The following CNTN1 variants were observed in gnomAD, a reference collection of about 807,000 sequenced individuals.
CNTN1 encodes the protein contactin 1.
In CNTN1, 38 loss-of-function variants were observed where a neutral mutation model predicts 126.4. That is an observed-to-expected ratio of 0.30 (90% confidence interval 0.23 to 0.39). The LOEUF (loss-of-function observed/expected upper bound fraction) is 0.39, where lower values mean the gene tolerates loss of function less well. Among genes scored for constraint, CNTN1 ranks in the 10% least tolerant of loss-of-function variants. The pLI is 1.00. For missense variants in CNTN1, 1,009 were observed against 1,248.4 expected, an observed-to-expected ratio of 0.81 and a Z score of 2.89; for synonymous variants, 413 against 422.6, an observed-to-expected ratio of 0.98 and a Z score of 0.28.
intron 23 of CNTN1, among the ~76,000 whole-genome samples, chr12:41,035,856 G>T (rs973362678): frequency 6.6e-6 from 1 of 152,108 alleles, no homozygotes; most frequent in African/African-American, 2.4e-5. Flanking sequence ...GTAAAGTTAT[G>T]AACAGCCTGG....
At chr12:40,875,492 T>C (rs2136681612) in intron 1 of CNTN1, among the ~76,000 whole-genome samples, 1 of 152,228 alleles carries the variant, frequency 6.6e-6, no homozygotes, top group East Asian at 1.9e-4. Flanking sequence ...TATAACATTC[T>C]ATATAAATGG....
chr12:40,893,071 C>T (rs1944297366), intron 1 of CNTN1, among the ~76,000 whole-genome samples: 1 of 151,536 alleles, frequency 6.6e-6, no homozygotes, highest in African/African-American at 2.4e-5. Context: ...ACAGTTCAAA[C>T]TTAAATAAAG....
intron 1 of CNTN1, among the ~76,000 whole-genome samples, chr12:40,816,111 CT>C (rs1941246845): frequency 6.6e-6 from 1 of 152,014 alleles, no homozygotes. Context: ...CTGACATTTT[CT>C]TTTTTTGTTG....
intron 23 of CNTN1, among the ~76,000 whole-genome samples, chr12:41,037,353 A>G (rs1949288913): frequency 6.6e-6 from 1 of 152,014 alleles, no homozygotes; most frequent in Non-Finnish European, 1.5e-5. Context: ...ATAATTCTAC[A>G]CTTTTGCTGT....
chr12:40,833,563 C>A, intron 1 of CNTN1, among the ~76,000 whole-genome samples: 1 of 85,156 alleles, frequency 1.2e-5, no homozygotes, highest in South Asian at 3.2e-4. Context: ...TTAGCCAAGT[C>A]TTTTTTCTTA....
intron 1 of CNTN1, among the ~76,000 whole-genome samples, chr12:40,842,000 T>A (rs539708615): frequency 1.1e-4 from 17 of 151,672 alleles, no homozygotes; most frequent in East Asian, 3.9e-4. Context: ...AAATTTTTTT[T>A]AAAAAAAGAA....
chr12:41,046,908 T>A (rs1204321826), intron 23 of CNTN1, among the ~76,000 whole-genome samples: 2 of 149,854 alleles, frequency 1.3e-5, no homozygotes, highest in Admixed American at 1.3e-4. Flanking sequence ...CTGCCTTGAA[T>A]GTCAGCTCAG....
At chr12:41,006,104 C>A (rs1948486781) in intron 17 of CNTN1, among the ~76,000 whole-genome samples, 1 of 151,888 alleles carries the variant, frequency 6.6e-6, no homozygotes, top group Admixed American at 6.6e-5. Context: ...TCTCTTTTAT[C>A]CTATTTGATG....
rs1944974270 is a variant in CNTN1, at chr12:40,910,120, G to C, written c.94+15G>C. 1.3e-6 allele frequency: 2 copies of C among 1,585,530 alleles called. No homozygotes were observed. Among genetic ancestry groups the C allele is most frequent in the Non-Finnish European group, 1.7e-6 (2 of 1,155,118 alleles). The stretch of plus-strand genomic sequence containing the variant: ...TGGTCATGGAGGTAAGTTGACCAAA[G>C]AGTAGACCTTGTAAACATCTTTTCT... On this transcript the variant is annotated intron_variant, in intron 3 of 23. Coordinates refer to ENST00000551295, the MANE Select transcript of CNTN1 (RefSeq NM_001843.4).
chr12:40,783,331 G>A (rs1018504159), intron 1 of CNTN1, among the ~76,000 whole-genome samples: 2 of 152,012 alleles, frequency 1.3e-5, no homozygotes, highest in Non-Finnish European at 2.9e-5. Flanking sequence ...AGCTGTGTGA[G>A]ATCAAAAAAT....
At chr12:40,718,604 C>G (rs914936984) in intron 1 of CNTN1, among the ~76,000 whole-genome samples, 1 of 152,122 alleles carries the variant, frequency 6.6e-6, no homozygotes, top group African/African-American at 2.4e-5. Context: ...AAAAGGAAGC[C>G]TCTAGGGGCA....
intron 23 of CNTN1, among the ~76,000 whole-genome samples, chr12:41,052,386 TA>T (rs1003281363): frequency 5.3e-5 from 8 of 152,214 alleles, no homozygotes; most frequent in Non-Finnish European, 5.9e-5. Flanking sequence ...TATTTTACTT[TA>T]AAATGTCTGA....
chr12:40,848,670 G>C (rs1592155010), intron 1 of CNTN1, among the ~76,000 whole-genome samples: 2 of 151,982 alleles, frequency 1.3e-5, no homozygotes, highest in Admixed American at 6.6e-5. Flanking sequence ...TTTTTTTCAA[G>C]TCCTTTCAAG....
intron 23 of CNTN1, among the ~76,000 whole-genome samples, chr12:41,059,975 G>A (rs1007499501): frequency 2.6e-5 from 4 of 152,062 alleles, no homozygotes; most frequent in Admixed American, 6.6e-5. Context: ...TTGGTGAGCT[G>A]TGATCGCATC....
chr12:40,888,243 A>T (rs1378913810), intron 1 of CNTN1, among the ~76,000 whole-genome samples: 1 of 152,112 alleles, frequency 6.6e-6, no homozygotes, highest in Admixed American at 6.5e-5. Context: ...TTTTGTGATG[A>T]TTTATATGTT....
chr12:41,013,930 G>A (rs111638823), intron 17 of CNTN1, among the ~76,000 whole-genome samples: 300 of 152,204 alleles, frequency 2.0e-3, no homozygotes, highest in African/African-American at 6.8e-3. Context: ...AAGTAAAAGT[G>A]GCAAAATCTT....
chr12:40,752,952 A>T (rs184959218), intron 1 of CNTN1, among the ~76,000 whole-genome samples: 38 of 152,266 alleles, frequency 2.5e-4, no homozygotes, highest in Non-Finnish European at 2.9e-5. Context: ...AAGCTACATG[A>T]TTGGAATGTA....
intron 10 of CNTN1, among the ~76,000 whole-genome samples, chr12:40,937,200 T>G (rs902300618): frequency 6.6e-6 from 1 of 152,058 alleles, no homozygotes; most frequent in Non-Finnish European, 1.5e-5. Flanking sequence ...TGTCCTCTTT[T>G]TCTTGCCACT....
At chr12:40,969,518 A>G (rs1217706492) in intron 15 of CNTN1, among the ~76,000 whole-genome samples, 1 of 152,204 alleles carries the variant, frequency 6.6e-6, no homozygotes, top group Non-Finnish European at 1.5e-5. Flanking sequence ...TTTCTCTGCC[A>G]GAGTGCTTTT....
Sources: allele counts gnomAD v4.1 joint callset (sites outside exome capture counted in the v4.1 genomes callset), GRCh38; gene constraint gnomAD v4.1.1; transcripts MANE v1.5; gene names NCBI Gene and HGNC (gene_info 2026-07-23, HGNC 2026-07-21).